The following MAN2B2 variants were observed in gnomAD, a reference collection of about 807,000 sequenced individuals.
MAN2B2 encodes epididymis-specific alpha-mannosidase.
Under a neutral mutation model 117.1 loss-of-function variants are expected in MAN2B2, and 106 were observed. That is an observed-to-expected ratio of 0.90 (90% CI 0.77 to 1.06). The LOEUF is 1.06. MAN2B2 is among the 50% of genes least tolerant of loss of function. The pLI is 0.00. For missense variants in MAN2B2, 1,326 were observed against 1,381.4 expected (o/e 0.96, Z 0.64); for synonymous variants, 544 against 595.1 (o/e 0.91, Z 1.25).
rs1182941575 is a variant in MAN2B2, at chr4:6,609,248, G to A, written c.1956G>A (p.Met652Ile). 1.2e-5 allele frequency: 19 copies of A among 1,614,110 alleles called. No homozygotes were observed. Among genetic ancestry groups the A allele is most frequent in the Non-Finnish European group, 1.5e-5 (18 of 1,180,050 alleles). The change falls in exon 12 of 19, where the codon ATG (methionine) becomes ATA (isoleucine). Residue 652 changes from methionine (M) to isoleucine (I), a missense_variant. By Grantham distance (10) the Met-to-Ile change is conservative. Coordinates refer to ENST00000285599, the MANE Select transcript of MAN2B2 (RefSeq NM_015274.3). ...TGCCTGCGTGGGAAGCTGTGGAAAT[G>A]GAGATTGTGGCGGGACAGCTTGTGA... Reference protein sequence around the residue: ...AAVPAWEAVEMEIVAGQLVTE... With the variant: ...AAVPAWEAVEIEIVAGQLVTE...
rs144992984 is a variant in MAN2B2, at chr4:6,592,179, G to C, written c.681-994G>C. 1.9e-3 allele frequency among the ~76,000 whole-genome samples: 295 copies of C among 152,342 alleles called. 3 individuals are homozygous for C. The highest frequency in any genetic ancestry group is 2.4e-3 in the Non-Finnish European group (161 of 68,028). Reference sequence around the variant, plus strand: ...AAAGACAACAGGCAAGGCAGAGGGGGTGAAGAACACTGGCCGGGATTAATT... The same window carrying C: ...AAAGACAACAGGCAAGGCAGAGGGGCTGAAGAACACTGGCCGGGATTAATT... On this transcript the variant is annotated intron_variant, in intron 5 of 18. Coordinates refer to ENST00000285599, the MANE Select transcript of MAN2B2 (RefSeq NM_015274.3).
At chr4:6,604,642 A>G (rs527291475) in intron 10 of MAN2B2, among the ~76,000 whole-genome samples, 1 of 152,036 alleles carries the variant, frequency 6.6e-6, no homozygotes, top group African/African-American at 2.4e-5. Flanking sequence ...GTAGCTGGTG[A>G]GGTCAGCTGT....
intron 3 of MAN2B2, among the ~76,000 whole-genome samples, chr4:6,578,911 G>C (rs1294099103): frequency 6.6e-6 from 1 of 151,354 alleles, no homozygotes; most frequent in Admixed American, 6.6e-5. Flanking sequence ...AGTGTTTGCT[G>C]CCTTCCATCA....
At chr4:6,577,334 C>A (rs896311361) in intron 2 of MAN2B2, among the ~76,000 whole-genome samples, 3 of 152,180 alleles carry the variant, frequency 2.0e-5, no homozygotes, top group African/African-American at 7.2e-5. Flanking sequence ...GAAGCCCTGG[C>A]GTGAGCACCC....
chr4:6,600,762 G>T lies in MAN2B2; in HGVS notation c.1539+6G>T, dbSNP rs1727296151. On this transcript the variant is annotated splice_donor_region_variant and intron_variant, in intron 10 of 18. Transcript: ENST00000285599. Reference sequence around the variant, plus strand: ...GCCACCCAGTGCCCTCGCAGGTATGGACACAAAATCCTGCTGGAGGGGCCT... The same window carrying T: ...GCCACCCAGTGCCCTCGCAGGTATGTACACAAAATCCTGCTGGAGGGGCCT... 2 of 1,613,014 alleles carry T rather than the reference G, an allele frequency of 1.2e-6. No individual in the cohort carries two copies. Among genetic ancestry groups the T allele is most frequent in the African/African-American group, 1.3e-5 (1 of 74,932 alleles).
chr4:6,612,722 A>G (rs1325794385), intron 15 of MAN2B2, among the ~76,000 whole-genome samples: 3 of 152,210 alleles, frequency 2.0e-5, no homozygotes, highest in African/African-American at 7.2e-5. Flanking sequence ...CTGCAAAGGG[A>G]GATGAGGCCA....
In MAN2B2 at chr4:6,609,609, C is replaced by T. The variant is rs541929945; in HGVS notation, c.2007-189C>T. 65 of 707,826 alleles carry T rather than the reference C, an allele frequency of 9.2e-5. No individual in the cohort carries two copies. In the Admixed American group the frequency reaches 1.1e-3, roughly 12 times the overall value. The allele number at this position is 707,826 out of a possible 1,614,324, so 43.8% of individuals were successfully genotyped here. A position where few individuals can be genotyped will look rare whatever the true frequency, so the allele number is the denominator to read the frequency against. ...GCCCGGCATGGCAGCCCTGCGGTGT[C>T]GGGGAACCAGGCTGCTCCCAGCCGC... is the stretch of plus-strand genomic sequence containing the variant. On this transcript the variant is annotated intron_variant, in intron 12 of 18. Transcript: ENST00000285599.
chr4:6,620,350 T>C, intron 18 of MAN2B2: 1 of 304,134 alleles, frequency 3.3e-6, no homozygotes, highest in Non-Finnish European at 6.4e-6. Flanking sequence ...TCTGCCCACC[T>C]TGGCCCTGCT....
intron 5 of MAN2B2, among the ~76,000 whole-genome samples, chr4:6,592,181 G>A (rs1726885963): frequency 6.6e-6 from 1 of 152,226 alleles, no homozygotes; most frequent in African/African-American, 2.4e-5. Context: ...CAGAGGGGGT[G>A]AAGAACACTG....
Position 6,578,515 on chromosome 4 carries a change from C to T in MAN2B2, c.391+17C>T. On this transcript the variant is annotated intron_variant, in intron 3 of 18. Coordinates refer to ENST00000285599, the MANE Select transcript of MAN2B2 (RefSeq NM_015274.3). The stretch of plus-strand genomic sequence containing the variant: ...AGCTCACAGGTTTGGCCACCCTACC[C>T]TGCACCCAGGGTCCCTCAGGACCTC... The T allele has an allele frequency of 1.2e-6, 2 of 1,607,536 alleles. No homozygotes were observed. Among genetic ancestry groups the T allele is most frequent in the Admixed American group, 1.7e-5 (1 of 59,574 alleles).
intron 2 of MAN2B2, among the ~76,000 whole-genome samples, chr4:6,577,916 G>T (rs140776832): frequency 5.8e-4 from 88 of 152,332 alleles, no homozygotes; most frequent in African/African-American, 2.0e-3. Context: ...TTGAGTGAAT[G>T]ATCTACATAT....
chr4:6,602,280 C>T (rs1727364168), intron 10 of MAN2B2, among the ~76,000 whole-genome samples: 1 of 152,244 alleles, frequency 6.6e-6, no homozygotes, highest in Non-Finnish European at 1.5e-5. Context: ...GGCTACATGG[C>T]TTAAATGACA....
chr4:6,611,979 A>C (rs1435709343), intron 15 of MAN2B2, among the ~76,000 whole-genome samples: 6 of 152,216 alleles, frequency 3.9e-5, no homozygotes. Context: ...AACATTAAAC[A>C]ATGATTACAT....
At chr4:6,577,520 A>G (rs184986352) in intron 2 of MAN2B2, among the ~76,000 whole-genome samples, 257 of 152,296 alleles carry the variant, frequency 1.7e-3, no homozygotes, top group Non-Finnish European at 2.5e-3. Context: ...CGGACATCCA[A>G]TGGCCACTTG....
chr4:6,609,034 G>C (rs113788530), intron 11 of MAN2B2, 73 bp from the exon 12 acceptor site: 19 of 1,431,316 alleles, frequency 1.3e-5, no homozygotes, highest in South Asian at 2.7e-5. Context: ...TCTGGAGAGA[G>C]AGGCTTGCCA....
At chr4:6,579,845 A>T (rs370749714) in intron 3 of MAN2B2, among the ~76,000 whole-genome samples, 13 of 152,182 alleles carry the variant, frequency 8.5e-5, no homozygotes, top group African/African-American at 3.1e-4. Flanking sequence ...AATGCCTTTC[A>T]CAGTGACACC....
chr4:6,594,794 C>T, intron 7 of MAN2B2, 62 bp downstream of exon 7: 1 of 1,491,820 alleles, frequency 6.7e-7, no homozygotes, highest in Non-Finnish European at 9.1e-7. Flanking sequence ...TCCACGTACC[C>T]TCTGCCCACT....
chr4:6,605,411 T>C, intron 11 of MAN2B2, 82 bp downstream of exon 11: 1 of 1,474,280 alleles, frequency 6.8e-7, no homozygotes, highest in Admixed American at 2.1e-5. Flanking sequence ...GATTCTCCAT[T>C]TGCTCACTTG....
intron 16 of MAN2B2, among the ~76,000 whole-genome samples, chr4:6,616,275 C>A (rs112815286): frequency 8.4e-4 from 128 of 152,266 alleles, no homozygotes; most frequent in African/African-American, 2.9e-3. Context: ...CTCTGAGCCT[C>A]GGTCTTCCCA....
Sources: allele counts gnomAD v4.1 joint callset (sites outside exome capture counted in the v4.1 genomes callset), GRCh38; gene constraint gnomAD v4.1.1; transcripts MANE v1.5; gene names NCBI Gene and HGNC (gene_info 2026-07-23, HGNC 2026-07-21).